Variants in CPNE8 observed in about 807,000 individuals in gnomAD.
CPNE8 encodes copine 8.
Under a neutral mutation model 81.5 loss-of-function variants are expected in CPNE8, and 45 were observed. The ratio of observed to expected loss-of-function variants is 0.55; its 90% CI spans 0.44 to 0.71. CPNE8 has a LOEUF of 0.71. Ranked by LOEUF, CPNE8 falls within the 30% of genes least tolerant of loss-of-function variation. The probability of loss-of-function intolerance (pLI) is 0.00; values close to 1 mark genes in which losing one functional copy is unlikely to be tolerated. For missense variants in CPNE8, 594 were observed against 672.1 expected (o/e 0.88, Z 1.28); for synonymous variants, 252 against 226.3 (o/e 1.11, Z -1.02).
chr12:38,774,898 A>G (rs1037475540), intron 7 of CPNE8, among the ~76,000 whole-genome samples: 3 of 152,144 alleles, frequency 2.0e-5, no homozygotes, highest in African/African-American at 7.2e-5. Context: ...TGTTTTTTAA[A>G]TGACTTAAAT....
chr12:38,740,601 G>C (rs959794473), intron 10 of CPNE8, among the ~76,000 whole-genome samples: 3 of 152,176 alleles, frequency 2.0e-5, no homozygotes, highest in African/African-American at 7.2e-5. Flanking sequence ...TAGCATGAAG[G>C]ACTGTTGAAT....
intron 17 of CPNE8, chr12:38,676,114 T>TG (rs1555142004): frequency 7.6e-6 from 2 of 264,508 alleles, no homozygotes; most frequent in Admixed American, 7.2e-5. Context: ...AGAGCCTGTC[T>TG]AAAAAAAAAA....
At chr12:38,897,115 T>TTTATCCAAATTTTTATCCAAA (rs1944399005) in intron 1 of CPNE8, among the ~76,000 whole-genome samples, 12 of 152,142 alleles carry the variant, frequency 7.9e-5, no homozygotes, top group Non-Finnish European at 2.9e-5. Flanking sequence ...AAATGAGATT[T>TTTATCCAAATTTTTATCCAAA]AAAGACATCT....
intron 13 of CPNE8, among the ~76,000 whole-genome samples, chr12:38,719,126 G>A (rs539740946): frequency 1.2e-4 from 19 of 152,242 alleles, no homozygotes; most frequent in African/African-American, 4.3e-4. Context: ...TCATGGAAGA[G>A]CTGGAAGATT....
At chr12:38,782,081 T>C (rs1257632346) in intron 6 of CPNE8, among the ~76,000 whole-genome samples, 1 of 152,142 alleles carries the variant, frequency 6.6e-6, no homozygotes, top group Non-Finnish European at 1.5e-5. Context: ...ACCACTGTTG[T>C]CTTTCTAGTT....
chr12:38,905,637 CAGA>C (rs962825337), upstream of CPNE8: 40 of 1,506,220 alleles, frequency 2.7e-5, no homozygotes, highest in Non-Finnish European at 3.4e-5. Flanking sequence ...AGGGTGGAGG[CAGA>C]AGAAGGAGGC....
rs144598912 is a variant in CPNE8 at position 38,656,112 on chromosome 12, A to C, written c.1507-2042T>G. 4.7e-3 allele frequency among the ~76,000 whole-genome samples: 718 copies of C among 151,838 alleles called. 4 individuals carry two copies. The highest frequency in any genetic ancestry group is 0.016 in the African/African-American group (664 of 41,476). ...AAAAAATCAAAGAGGTAAAAAAAAA[A>C]CAAAAAACAAAAAAAACAAATTGAG... On this transcript the variant is annotated intron_variant, in intron 19 of 19. Transcript: ENST00000331366.
intron 6 of CPNE8, among the ~76,000 whole-genome samples, chr12:38,783,951 C>T (rs1274396814): frequency 1.3e-5 from 2 of 152,168 alleles, no homozygotes; most frequent in Non-Finnish European, 2.9e-5. Flanking sequence ...CTCTTCAATG[C>T]TTCAATGTTC....
At chr12:38,742,571 C>T (rs1262625404) in intron 10 of CPNE8, among the ~76,000 whole-genome samples, 1 of 151,328 alleles carries the variant, frequency 6.6e-6, no homozygotes, top group East Asian at 1.9e-4. Flanking sequence ...GGAGATATAC[C>T]TAATGTAAAT....
Position 38,740,773 on chromosome 12 carries a change from G to A in CPNE8, c.723-10415C>T, listed in dbSNP as rs1361951693. Reference sequence around the variant, plus strand: ...TCATGGTGGATAAGCTTTTAGATGTGCTGCTAGATTTGGTTTGCCAGTATT... The same window carrying A: ...TCATGGTGGATAAGCTTTTAGATGTACTGCTAGATTTGGTTTGCCAGTATT... On this transcript the variant is annotated intron_variant, in intron 10 of 19. Transcript: ENST00000331366. Among the ~76,000 whole-genome samples, 32 of 152,264 alleles carry A rather than the reference G, an allele frequency of 2.1e-4. No homozygotes were observed. The South Asian group carries it at 6.6e-3, about 32-fold the overall frequency.
In CPNE8 at chr12:38,796,921, C is replaced by T. The variant is rs1003663873; in HGVS notation, c.408-20620G>A. 5.3e-5 allele frequency among the ~76,000 whole-genome samples: 8 copies of T among 152,180 alleles called. No homozygotes were observed. The East Asian group carries it at 5.8e-4, about 11-fold the overall frequency. On this transcript the variant is annotated intron_variant, in intron 6 of 19. Transcript: ENST00000331366. ...CCCGCACATGGCTCAGAGGGTCCTA[C>T]GTCCATGGAGTCTCGCTGATTGCTA...
chr12:38,788,687 G>A (rs577314955), intron 6 of CPNE8, among the ~76,000 whole-genome samples: 1 of 151,782 alleles, frequency 6.6e-6, no homozygotes, highest in Admixed American at 6.6e-5. Context: ...CTTGTTTGCA[G>A]ATTATATGGT....
chr12:38,748,317 C>T (rs139475688), intron 10 of CPNE8, among the ~76,000 whole-genome samples: 1,971 of 152,150 alleles, frequency 0.013, 29 homozygotes, highest in South Asian at 0.042. Flanking sequence ...GAACGCAATA[C>T]TATTAATAGA....
At chr12:38,899,172 G>A (rs1944426399) in intron 1 of CPNE8, among the ~76,000 whole-genome samples, 1 of 152,150 alleles carries the variant, frequency 6.6e-6, no homozygotes, top group South Asian at 2.1e-4. Flanking sequence ...TGAACTGAAT[G>A]TTTGCGTCCC....
intron 4 of CPNE8, 148 bp from the exon 5 acceptor site, chr12:38,840,103 C>T (rs780995992): frequency 8.9e-6 from 7 of 789,526 alleles, no homozygotes; most frequent in South Asian, 5.5e-5. Context: ...TAAAGTTTCA[C>T]ATATTCCGTG....
chr12:38,777,217 G>C (rs1171707046), intron 6 of CPNE8, among the ~76,000 whole-genome samples: 1 of 151,534 alleles, frequency 6.6e-6, no homozygotes, highest in African/African-American at 2.4e-5. Context: ...TGTAGGCCTA[G>C]GTAAATGTAT....
chr12:38,906,466 T>C (rs1475722039), upstream of CPNE8: 5 of 985,644 alleles, frequency 5.1e-6, no homozygotes, highest in African/African-American at 8.7e-5. Flanking sequence ...AGGGCTCTTC[T>C]GGGTCCCTCG....
intron 10 of CPNE8, among the ~76,000 whole-genome samples, chr12:38,751,759 G>A (rs181465424): frequency 2.4e-4 from 37 of 152,230 alleles, no homozygotes; most frequent in African/African-American, 8.4e-4. Flanking sequence ...TGACAGACAT[G>A]TATGAAACCT....
intron 10 of CPNE8, among the ~76,000 whole-genome samples, 172 bp from the exon 11 acceptor site, chr12:38,730,530 A>G (rs1940807783): frequency 6.6e-6 from 1 of 151,786 alleles, no homozygotes; most frequent in South Asian, 2.1e-4. Flanking sequence ...TACATTGTTC[A>G]TTAATCTAAA....
Sources: gnomAD v4.1 joint callset for allele counts (sites outside exome capture counted in the v4.1 genomes callset) on GRCh38, gnomAD v4.1.1 for gene constraint, MANE v1.5 for transcripts, NCBI Gene and HGNC (gene_info 2026-07-23, HGNC 2026-07-21) for gene names.